RBFOX1: variants seen among roughly 807,000 people sequenced by gnomAD.
RBFOX1 encodes RNA binding fox-1 homolog 1.
Under a neutral mutation model 57.7 loss-of-function variants are expected in RBFOX1, and 8 were observed. The ratio of observed to expected loss-of-function variants is 0.14; its 90% CI spans 0.08 to 0.25. RBFOX1 has a LOEUF of 0.25. Among genes scored for constraint, RBFOX1 ranks in the 10% least tolerant of loss-of-function variants. RBFOX1 has a pLI of 1.00. For synonymous variants in RBFOX1, 326 were observed against 222.4 expected, an observed-to-expected ratio of 1.47 and a Z score of -4.15; for missense variants, 611 against 548.5, an observed-to-expected ratio of 1.11 and a Z score of -1.14.
chr16:6,468,023 C>A (rs2095089908), intron 2 of RBFOX1, among the ~76,000 whole-genome samples: 2 of 152,062 alleles, frequency 1.3e-5, no homozygotes, highest in Admixed American at 1.3e-4. Flanking sequence ...AAAGAAATTA[C>A]CAGAGAAGGA....
At chr16:5,251,098 C>A (rs934691764) in intron 1 of RBFOX1, among the ~76,000 whole-genome samples, 2 of 150,486 alleles carry the variant, frequency 1.3e-5, no homozygotes, top group African/African-American at 4.9e-5. Context: ...CAGCCCCTAC[C>A]CACTTGTCCC....
chr16:6,763,019 A>G (rs1344705488), intron 3 of RBFOX1, among the ~76,000 whole-genome samples: 3 of 106,456 alleles, frequency 2.8e-5, no homozygotes, highest in African/African-American at 1.0e-4. Context: ...TGCAAGATAG[A>G]GAATGTGACG....
rs888395893 is a variant in RBFOX1 at position 7,556,219 on chromosome 16, C to T, written c.271-23558C>T. 4.6e-5 allele frequency among the ~76,000 whole-genome samples: 7 copies of T among 152,206 alleles called. No individual in the cohort carries two copies. In the East Asian group the frequency reaches 5.8e-4, roughly 13 times the overall value. On this transcript the variant is annotated intron_variant, in intron 5 of 15. Transcript: ENST00000550418. ...AAGTCTTAAGTTTTGCACAACATGA[C>T]GCAGCTCTTCGGTCAAATCTGAGAG...
chr16:7,252,685 C>A (rs1435128637), intron 4 of RBFOX1, among the ~76,000 whole-genome samples: 1 of 150,264 alleles, frequency 6.7e-6, no homozygotes, highest in Admixed American at 6.6e-5. Context: ...TAACCTTTTT[C>A]ATTTACATCC....
At chr16:5,281,944 T>A (rs1452231036) in intron 1 of RBFOX1, among the ~76,000 whole-genome samples, 1 of 152,224 alleles carries the variant, frequency 6.6e-6, no homozygotes, top group Non-Finnish European at 1.5e-5. Context: ...GACTTATTCC[T>A]GTCATTTTGT....
At chr16:6,106,160 G>A (rs961322796) in intron 1 of RBFOX1, among the ~76,000 whole-genome samples, 1 of 152,058 alleles carries the variant, frequency 6.6e-6, no homozygotes, top group African/African-American at 2.4e-5. Context: ...TCTTTATCAA[G>A]AATCAGGTAG....
intron 3 of RBFOX1, among the ~76,000 whole-genome samples, chr16:6,918,569 G>A (rs968285996): frequency 2.0e-5 from 3 of 152,056 alleles, no homozygotes. Flanking sequence ...ATCATTTAAA[G>A]AATAAGTAAC....
At chr16:6,826,124 C>G (rs367600984) in intron 3 of RBFOX1, among the ~76,000 whole-genome samples, 2 of 152,100 alleles carry the variant, frequency 1.3e-5, no homozygotes, top group Non-Finnish European at 2.9e-5. Flanking sequence ...GTCATGCCGT[C>G]TCACTTCTCC....
chr16:5,366,237 A>G (rs552966943), intron 1 of RBFOX1: 131 of 413,488 alleles, frequency 3.2e-4, no homozygotes, highest in African/African-American at 2.5e-3. Context: ...AGGTGGTAGC[A>G]TGGTTCCACA....
chr16:7,452,326 C>T (rs1340904728), intron 4 of RBFOX1, among the ~76,000 whole-genome samples: 1 of 152,180 alleles, frequency 6.6e-6, no homozygotes, highest in African/African-American at 2.4e-5. Flanking sequence ...AGTCAGCCCG[C>T]GTTAGCGTGT....
Position 6,655,373 on chromosome 16 carries a change from C to CAAAAAAAAAAAA in RBFOX1, c.-16+742_-16+753dup, listed in dbSNP as rs71406388. 8.1e-3 allele frequency among the ~76,000 whole-genome samples: 274 copies of CAAAAAAAAAAAA among 33,722 alleles called. 56 individuals are homozygous for CAAAAAAAAAAAA. The highest frequency in any genetic ancestry group is 0.012 in the Non-Finnish European group (208 of 17,626). 22.1% of individuals were successfully genotyped at this position (33,722 alleles called of 152,430 possible). On this transcript the variant is annotated intron_variant, in intron 3 of 15. Coordinates refer to ENST00000550418, the MANE Select transcript of RBFOX1 (RefSeq NM_018723.4). ...TGAGTGACAAAATAAGCCTCCGTTTCAAAAAAAAAAAAAAAAAAAAAAAAA... is the reference window on the plus strand; with the variant it reads ...TGAGTGACAAAATAAGCCTCCGTTTCAAAAAAAAAAAAAAAAAAAAAAAAAAAAAAAAAAAAA...
chr16:7,136,372 G>C (rs900716138), intron 4 of RBFOX1, among the ~76,000 whole-genome samples: 3 of 150,176 alleles, frequency 2.0e-5, no homozygotes, highest in African/African-American at 7.4e-5. Context: ...CCAATACCTA[G>C]TAGAGATACA....
chr16:7,154,271 G>C (rs2076662131), intron 4 of RBFOX1, among the ~76,000 whole-genome samples: 1 of 152,172 alleles, frequency 6.6e-6, no homozygotes, highest in Admixed American at 6.6e-5. Flanking sequence ...GAGATACTTA[G>C]TTACAAGCTC....
chr16:7,356,685 G>A (rs1234785770), intron 4 of RBFOX1, among the ~76,000 whole-genome samples: 2 of 152,240 alleles, frequency 1.3e-5, no homozygotes. Flanking sequence ...TTGAAGTTCT[G>A]AAGTGCATGA....
intron 5 of RBFOX1, among the ~76,000 whole-genome samples, chr16:7,533,988 C>T (rs370292905): frequency 3.3e-5 from 5 of 151,918 alleles, no homozygotes; most frequent in East Asian, 1.9e-4. Flanking sequence ...AGACTCTAAA[C>T]GGTTGTGTAA....
At chr16:6,869,074 A>T (rs748094872) in intron 3 of RBFOX1, among the ~76,000 whole-genome samples, 1 of 152,228 alleles carries the variant, frequency 6.6e-6, no homozygotes, top group African/African-American at 2.4e-5. Context: ...TTCCATTGCT[A>T]TAAGCCACTA....
chr16:7,253,588 G>A (rs558952642), intron 4 of RBFOX1, among the ~76,000 whole-genome samples: 1 of 152,114 alleles, frequency 6.6e-6, no homozygotes, highest in African/African-American at 2.4e-5. Flanking sequence ...CTGTCTGAAT[G>A]CTCTCATTTC....
intron 1 of RBFOX1, among the ~76,000 whole-genome samples, chr16:6,055,028 C>T (rs553808324): frequency 6.6e-6 from 1 of 152,174 alleles, no homozygotes; most frequent in East Asian, 1.9e-4. Flanking sequence ...TAAATATTGT[C>T]AGGTGTCCAA....
At chr16:6,289,170 A>T (rs186835422) in intron 1 of RBFOX1, among the ~76,000 whole-genome samples, 21 of 152,324 alleles carry the variant, frequency 1.4e-4, no homozygotes, top group Non-Finnish European at 2.9e-4. Flanking sequence ...TCCAAATCAC[A>T]CCGTGGAACA....
Sources: gnomAD v4.1 joint callset for allele counts (sites outside exome capture counted in the v4.1 genomes callset) on GRCh38, gnomAD v4.1.1 for gene constraint, MANE v1.5 for transcripts, NCBI Gene and HGNC (gene_info 2026-07-23, HGNC 2026-07-21) for gene names.